PTPRD: variants seen among roughly 807,000 people sequenced by gnomAD.
PTPRD encodes the protein receptor-type tyrosine-protein phosphatase delta.
Under a neutral mutation model 214.5 loss-of-function variants are expected in PTPRD, and 34 were observed. The ratio of observed to expected loss-of-function variants is 0.16; its 90% CI spans 0.12 to 0.21. The LOEUF (loss-of-function observed/expected upper bound fraction) is 0.21, where lower values mean the gene tolerates loss of function less well. Among genes scored for constraint, PTPRD ranks in the 10% least tolerant of loss-of-function variants. The probability of loss-of-function intolerance (pLI) is 1.00; values close to 1 mark genes in which losing one functional copy is unlikely to be tolerated. For synonymous variants in PTPRD, 1,128 were observed against 845.7 expected (o/e 1.33, Z -5.79); for missense variants, 2,545 against 2,398.7 (o/e 1.06, Z -1.27).
chr9:8,844,284 C>G (rs1021222979), intron 11 of PTPRD, among the ~76,000 whole-genome samples: 2 of 152,064 alleles, frequency 1.3e-5, no homozygotes, highest in African/African-American at 4.8e-5. Context: ...TACTGTAAAG[C>G]CCTACCACAT....
chr9:9,043,822 T>C (rs1310727184), intron 10 of PTPRD, among the ~76,000 whole-genome samples: 3 of 151,860 alleles, frequency 2.0e-5, no homozygotes, highest in Non-Finnish European at 4.4e-5. Context: ...GAGAATCGCT[T>C]GAACTTGGGA....
At chr9:10,053,036 A>G (rs2097562227) in intron 3 of PTPRD, among the ~76,000 whole-genome samples, 1 of 152,210 alleles carries the variant, frequency 6.6e-6, no homozygotes, top group Non-Finnish European at 1.5e-5. Context: ...TATAATGAAC[A>G]AACATATATG....
intron 14 of PTPRD, among the ~76,000 whole-genome samples, chr9:8,616,515 A>C (rs182071009): frequency 6.6e-6 from 1 of 152,292 alleles, no homozygotes; most frequent in East Asian, 1.9e-4. Flanking sequence ...GACTCTAGGC[A>C]GACTGAATAA....
At chr9:10,431,878 T>C (rs548055738) in intron 2 of PTPRD, among the ~76,000 whole-genome samples, 50 of 152,210 alleles carry the variant, frequency 3.3e-4, no homozygotes, top group African/African-American at 1.1e-3. Context: ...GACAGTGTGG[T>C]GATTCCTTAG....
intron 14 of PTPRD, among the ~76,000 whole-genome samples, chr9:8,625,827 G>A (rs915894480): frequency 6.6e-6 from 1 of 150,692 alleles, no homozygotes; most frequent in East Asian, 2.0e-4. Flanking sequence ...ACAGATAAGA[G>A]AGTCTTGAAA....
At chr9:10,007,791 C>A (rs2096517683) in intron 4 of PTPRD, among the ~76,000 whole-genome samples, 1 of 151,880 alleles carries the variant, frequency 6.6e-6, no homozygotes, top group Admixed American at 6.6e-5. Flanking sequence ...TGTCCAAAAT[C>A]AGAACTTGTT....
At chr9:10,432,648 T>C (rs2098690742) in intron 2 of PTPRD, among the ~76,000 whole-genome samples, 1 of 151,938 alleles carries the variant, frequency 6.6e-6, no homozygotes, top group Non-Finnish European at 1.5e-5. Flanking sequence ...TACAACCTGA[T>C]CATTGAATAT....
intron 12 of PTPRD, among the ~76,000 whole-genome samples, chr9:8,686,159 C>A (rs1248478447): frequency 3.3e-5 from 5 of 152,218 alleles, no homozygotes; most frequent in Non-Finnish European, 7.3e-5. Context: ...TCAATTTCAT[C>A]TTTAGTAAAA....
intron 39 of PTPRD, among the ~76,000 whole-genome samples, chr9:8,354,622 C>T: frequency 6.6e-6 from 1 of 152,116 alleles, no homozygotes; most frequent in East Asian, 1.9e-4. Flanking sequence ...CTAAGGTTTT[C>T]CTGTTTGTTG....
intron 2 of PTPRD, among the ~76,000 whole-genome samples, chr9:10,461,255 G>T (rs1207962736): frequency 6.6e-6 from 1 of 151,520 alleles, no homozygotes; most frequent in Non-Finnish European, 1.5e-5. Flanking sequence ...TGGTAAGAAT[G>T]GGGGAAAAAA....
intron 10 of PTPRD, among the ~76,000 whole-genome samples, chr9:9,068,141 C>T (rs570993778): frequency 5.9e-5 from 9 of 152,004 alleles, no homozygotes; most frequent in African/African-American, 2.2e-4. Context: ...GCATAATTTT[C>T]TCGAGATTCA....
intron 17 of PTPRD, among the ~76,000 whole-genome samples, chr9:8,526,339 T>C: frequency 6.6e-6 from 1 of 151,422 alleles, no homozygotes; most frequent in African/African-American, 2.4e-5. Flanking sequence ...GATGGTACGC[T>C]GTGACTGGTC....
intron 9 of PTPRD, among the ~76,000 whole-genome samples, chr9:9,225,988 G>T (rs2099959223): frequency 6.6e-6 from 1 of 152,064 alleles, no homozygotes; most frequent in Non-Finnish European, 1.5e-5. Context: ...CTGTTACTGA[G>T]GAAAATTTAT....
At chr9:9,969,461 T>C (rs2094940614) in intron 4 of PTPRD, among the ~76,000 whole-genome samples, 1 of 152,140 alleles carries the variant, frequency 6.6e-6, no homozygotes, top group Admixed American at 6.6e-5. Flanking sequence ...ATATTAAAAA[T>C]CTCAGGTATG....
chr9:10,502,591 G>C (rs2044150186), intron 2 of PTPRD, among the ~76,000 whole-genome samples: 1 of 151,960 alleles, frequency 6.6e-6, no homozygotes, highest in Non-Finnish European at 1.5e-5. Context: ...GAAAAATACA[G>C]AATAAATAGA....
intron 10 of PTPRD, among the ~76,000 whole-genome samples, chr9:9,081,174 C>A (rs1369224068): frequency 1.3e-5 from 2 of 152,074 alleles, no homozygotes; most frequent in Non-Finnish European, 2.9e-5. Flanking sequence ...AGCTGTGTCC[C>A]AGAGATTCTG....
intron 9 of PTPRD, among the ~76,000 whole-genome samples, chr9:9,329,330 T>C (rs2041417291): frequency 6.6e-6 from 1 of 152,196 alleles, no homozygotes; most frequent in African/African-American, 2.4e-5. Context: ...GATTACAGTC[T>C]ATATGACCCC....
At chr9:10,224,254 G>C (rs937747903) in intron 3 of PTPRD, among the ~76,000 whole-genome samples, 3 of 151,684 alleles carry the variant, frequency 2.0e-5, no homozygotes, top group Non-Finnish European at 4.4e-5. Context: ...ACCATATGAG[G>C]TATATATTAC....
At chr9:8,745,472 G>C (rs1369917386) in intron 11 of PTPRD, among the ~76,000 whole-genome samples, 2 of 152,196 alleles carry the variant, frequency 1.3e-5, no homozygotes. Flanking sequence ...AAGGCAGGAT[G>C]AAAGAATCTC....
Sources: gnomAD v4.1 joint callset for allele counts (sites outside exome capture counted in the v4.1 genomes callset) on GRCh38, gnomAD v4.1.1 for gene constraint, MANE v1.5 for transcripts, NCBI Gene and HGNC (gene_info 2026-07-23, HGNC 2026-07-21) for gene names.